AHCY: variants seen among roughly 807,000 people sequenced by gnomAD.
AHCY encodes adenosylhomocysteinase, also known as S-adenosyl-L-homocysteine hydrolase.
AHCY carries 24 observed loss-of-function variants against 45.4 expected under a neutral mutation model. The observed-to-expected ratio is 0.53, with a 90% CI of 0.38 to 0.74. The LOEUF (loss-of-function observed/expected upper bound fraction) is 0.74, where lower values mean the gene tolerates loss of function less well. Among genes scored for constraint, AHCY ranks in the 30% least tolerant of loss-of-function variants. AHCY has a pLI of 0.00. For synonymous variants in AHCY, 245 were observed against 235.1 expected (o/e 1.04, Z -0.39); for missense variants, 449 against 594.1 (o/e 0.76, Z 2.54).
At chr20:34,249,413 T>C in the AHCY span, among the ~76,000 whole-genome samples, 1 of 152,182 alleles carries the variant, frequency 6.6e-6, no homozygotes, top group African/African-American at 2.4e-5. Context: ...TTATATGACT[T>C]ACTGCTGAAA....
the AHCY span, among the ~76,000 whole-genome samples, chr20:34,235,900 A>AGCGGG: frequency 6.8e-5 from 5 of 73,340 alleles, no homozygotes; most frequent in African/African-American, 1.3e-3. Flanking sequence ...GAAGGAAGGA[A>AGCGGG]AGGAAGGAAG....
At chr20:34,298,608 G>T (rs1015924316) in intron 1 of AHCY, among the ~76,000 whole-genome samples, 12 of 122,300 alleles carry the variant, frequency 9.8e-5, no homozygotes, top group Non-Finnish European at 1.7e-4. Context: ...GCGGCGGCGG[G>T]AGGGGGGGGG....
the AHCY span, chr20:34,246,442 A>T: frequency 7.1e-7 from 1 of 1,399,292 alleles, no homozygotes. Context: ...AACAGACTCC[A>T]CAATAAAGGA....
At chr20:34,287,813 G>C (rs1256136519) in intron 8 of AHCY, among the ~76,000 whole-genome samples, 1 of 152,166 alleles carries the variant, frequency 6.6e-6, no homozygotes, top group Non-Finnish European at 1.5e-5. Context: ...GGGTATTCAG[G>C]GAGTGGTCAA....
the AHCY span, among the ~76,000 whole-genome samples, chr20:34,258,971 G>C: frequency 1.4e-5 from 2 of 145,602 alleles, no homozygotes; most frequent in African/African-American, 5.1e-5. Context: ...GGGAGGCTTA[G>C]GTGGGAGGAT....
Position 34,298,123 on chromosome 20 carries a change from A to G in AHCY, c.29-2538T>C, listed in dbSNP as rs551825711. Among the ~76,000 whole-genome samples, 310 of 152,280 alleles carry G rather than the reference A, an allele frequency of 2.0e-3. 3 individuals carry two copies. Among genetic ancestry groups the G allele is most frequent in the Non-Finnish European group, 3.4e-3 (229 of 68,018 alleles). ...CACTGCACTCCAGCCTGGGTGACAG[A>G]GTGAGACTCGGTCTCAAAAAAATAA... is the stretch of plus-strand genomic sequence containing the variant. On this transcript the variant is annotated intron_variant, in intron 1 of 9. Transcript: ENST00000217426.
chr20:34,303,162 G>C, intron 1 of AHCY, 81 bp downstream of exon 1: 3 of 1,544,188 alleles, frequency 1.9e-6, no homozygotes, highest in Non-Finnish European at 2.6e-6. Context: ...AGAGCCCCGA[G>C]TCGGCCCTGC....
chr20:34,262,803 G>C, the AHCY span: 1 of 1,613,272 alleles, frequency 6.2e-7, no homozygotes, highest in Non-Finnish European at 8.5e-7. Context: ...AGAAACATCT[G>C]ACTTTGCTCC....
In AHCY at chr20:34,303,352, A is replaced by C; in HGVS notation, c.-82T>G. On this transcript the variant is annotated 5_prime_UTR_variant, in exon 1 of 10. Coordinates refer to ENST00000217426, the MANE Select transcript of AHCY (RefSeq NM_000687.4). ...AGGAACTGGGCGGGCAGCGCCGAGCAGGGATATGCGCGTGGCGCCGACGCC... is the reference window on the plus strand; with the variant it reads ...AGGAACTGGGCGGGCAGCGCCGAGCCGGGATATGCGCGTGGCGCCGACGCC... 1 of 1,538,496 alleles carries C rather than the reference A, an allele frequency of 6.5e-7. No individual in the cohort carries two copies.
chr20:34,277,394 T>G (rs2035917792), downstream of AHCY, among the ~76,000 whole-genome samples: 1 of 152,120 alleles, frequency 6.6e-6, no homozygotes, highest in Non-Finnish European at 1.5e-5. Flanking sequence ...TCTCTAATTT[T>G]CTAATTTCCT....
upstream of AHCY, among the ~76,000 whole-genome samples, chr20:34,303,631 A>G (rs1233213012): frequency 6.6e-6 from 1 of 152,216 alleles, no homozygotes; most frequent in Non-Finnish European, 1.5e-5. Context: ...CCGCCAGTTC[A>G]CTTCCCTGTG....
In AHCY at chr20:34,280,998, G is replaced by C. The variant is rs1246127348; in HGVS notation, c.*36C>G. ...GGGAGGAGAGGTGGGGCCTGGGCAA[G>C]GACAGCAGCTGGAGGGTGAAACGCA... On this transcript the variant is annotated 3_prime_UTR_variant, in exon 10 of 10. Coordinates refer to ENST00000217426, the MANE Select transcript of AHCY (RefSeq NM_000687.4). 6.2e-7 allele frequency: 1 copy of C among 1,613,410 alleles called. No individual in the cohort carries two copies. Among genetic ancestry groups the C allele is most frequent in the African/African-American group, 1.3e-5 (1 of 74,934 alleles).
intron 1 of AHCY, chr20:34,302,823 G>T: frequency 9.6e-7 from 1 of 1,036,480 alleles, no homozygotes; most frequent in South Asian, 4.0e-5. Context: ...CGCCGTCCCT[G>T]TAGGAGGCCC....
chr20:34,289,721 G>A (rs573771062), intron 8 of AHCY, among the ~76,000 whole-genome samples: 4 of 151,792 alleles, frequency 2.6e-5, no homozygotes, highest in African/African-American at 7.2e-5. Context: ...CATGTGATCC[G>A]CCCGCCTCGA....
At chr20:34,303,432 C>A, upstream of AHCY, 2 of 1,044,258 alleles carry the variant, frequency 1.9e-6, no homozygotes, top group Non-Finnish European at 2.9e-6. Context: ...CGGGGCCCAA[C>A]GCGCAGGGCG....
the AHCY span, among the ~76,000 whole-genome samples, chr20:34,272,928 A>G: frequency 6.6e-6 from 1 of 152,190 alleles, no homozygotes; most frequent in South Asian, 2.1e-4. Flanking sequence ...GGCTATTACA[A>G]AGGCTGCAGA....
At chr20:34,263,401 C>T in the AHCY span, among the ~76,000 whole-genome samples, 2 of 152,098 alleles carry the variant, frequency 1.3e-5, no homozygotes, top group African/African-American at 4.8e-5. Flanking sequence ...CCCGTCTCTA[C>T]TAAAAATACA....
chr20:34,269,268 G>C, the AHCY span: 4 of 1,378,846 alleles, frequency 2.9e-6, no homozygotes, highest in Non-Finnish European at 3.8e-6. Flanking sequence ...GCTGCAGGCG[G>C]GCGGAGGTTC....
rs747894879 is a variant in AHCY, at chr20:34,281,142, G to A, written c.1191C>T (p.Ala397=). The A allele has an allele frequency of 6.2e-7, 1 of 1,613,572 alleles. No homozygotes were observed. The highest frequency in any genetic ancestry group is 1.1e-5 in the South Asian group (1 of 91,042). The change falls in exon 10 of 10, where the codon GCC becomes GCT. Residue 397 remains alanine (A), a synonymous_variant. Coordinates refer to ENST00000217426, the MANE Select transcript of AHCY (RefSeq NM_000687.4). ...ACTTCACATTCAGCTTGCCCAGGTG[G>A]GCTTCAGCCACTGCCTCATCCAGCT... ...PKKLDEAVAE[A]HLGKLNVKLT...
Sources: gnomAD v4.1 joint callset for allele counts (sites outside exome capture counted in the v4.1 genomes callset) on GRCh38, gnomAD v4.1.1 for gene constraint, MANE v1.5 for transcripts, NCBI Gene and HGNC (gene_info 2026-07-23, HGNC 2026-07-21) for gene names.